Variants in PDE1A observed in about 807,000 individuals in gnomAD.
PDE1A encodes the protein phosphodiesterase 1A.
In PDE1A, 35 loss-of-function variants were observed where a neutral mutation model predicts 61.7. That is an observed-to-expected ratio of 0.57 (90% confidence interval 0.43 to 0.75). The LOEUF is 0.75. Ranked by LOEUF, PDE1A falls within the 30% of genes least tolerant of loss-of-function variation. The pLI is 0.00. For synonymous variants in PDE1A, 232 were observed against 213.2 expected, an observed-to-expected ratio of 1.09 and a Z score of -0.77; for missense variants, 597 against 630.6, an observed-to-expected ratio of 0.95 and a Z score of 0.57.
At chr2:182,436,195 T>C (rs1201191432) in intron 2 of PDE1A, among the ~76,000 whole-genome samples, 1 of 152,092 alleles carries the variant, frequency 6.6e-6, no homozygotes, top group Non-Finnish European at 1.5e-5. Context: ...AAACTCATTC[T>C]AGTTTCAGCT....
intron 13 of PDE1A, among the ~76,000 whole-genome samples, chr2:182,151,312 C>T (rs906083680): frequency 1.3e-5 from 2 of 152,098 alleles, no homozygotes; most frequent in Non-Finnish European, 2.9e-5. Context: ...CCATTTTGGC[C>T]AAGCTGGTCT....
the PDE1A span, among the ~76,000 whole-genome samples, chr2:182,563,368 G>C: frequency 6.6e-6 from 1 of 152,134 alleles, no homozygotes; most frequent in African/African-American, 2.4e-5. Flanking sequence ...AAGTGGTTTT[G>C]AGTGAGTTTC....
chr2:182,637,213 G>C, the PDE1A span, among the ~76,000 whole-genome samples: 1 of 152,120 alleles, frequency 6.6e-6, no homozygotes, highest in Non-Finnish European at 1.5e-5. Context: ...ATTCTTCCTA[G>C]ACATCCTATA....
chr2:182,203,374 A>G (rs970748088), intron 8 of PDE1A, among the ~76,000 whole-genome samples: 27 of 152,222 alleles, frequency 1.8e-4, no homozygotes, highest in African/African-American at 6.5e-4. Context: ...AATCATGAGC[A>G]CTCAACATTT....
chr2:182,182,813 C>T (rs1684882296), intron 13 of PDE1A, among the ~76,000 whole-genome samples: 2 of 151,744 alleles, frequency 1.3e-5, no homozygotes, highest in South Asian at 4.2e-4. Flanking sequence ...CCTCCCAGAC[C>T]TCTCCATCAT....
chr2:182,267,100 G>A (rs1432244937), intron 1 of PDE1A, among the ~76,000 whole-genome samples: 2 of 152,014 alleles, frequency 1.3e-5, no homozygotes, highest in Non-Finnish European at 2.9e-5. Context: ...GGAGACCATG[G>A]ACAAGTGCAT....
the PDE1A span, among the ~76,000 whole-genome samples, chr2:182,679,005 C>CT: frequency 0.6 from 76,333 of 127,594 alleles, 23,639 homozygotes; most frequent in Middle Eastern, 0.71. Context: ...TTTGGTTTCT[C>CT]TTTTTTTTTT....
the PDE1A span, among the ~76,000 whole-genome samples, chr2:182,612,763 C>T: frequency 3.9e-5 from 6 of 152,126 alleles, no homozygotes; most frequent in Non-Finnish European, 1.5e-5. Flanking sequence ...TATACAAAAA[C>T]AAAGCAGGAC....
At position 182,149,615 on chromosome 2, in the gene PDE1A, A is replaced by T. The variant is rs1384158399; in HGVS notation, c.1517-2463T>A. Among the ~76,000 whole-genome samples the T allele has an allele frequency of 3.3e-5, 5 of 152,316 alleles. No individual in the cohort carries two copies. In the East Asian group the frequency reaches 9.6e-4, roughly 29 times the overall value. On this transcript the variant is annotated intron_variant, in intron 13 of 13. Transcript: ENST00000409365. Reference sequence around the variant, plus strand: ...ACATTATTTTAGTTGATAAATCTTTAGTTGTAGACGCCTTTACAATTAACT... The same window carrying T: ...ACATTATTTTAGTTGATAAATCTTTTGTTGTAGACGCCTTTACAATTAACT...
At position 182,380,257 on chromosome 2, in the gene PDE1A, C is replaced by T. The variant is rs180996319; in HGVS notation, c.53+46321G>A. Among the ~76,000 whole-genome samples the T allele has an allele frequency of 2.3e-3, 345 of 152,122 alleles. 1 individual carries two copies. Among genetic ancestry groups the T allele is most frequent in the Non-Finnish European group, 4.2e-3 (284 of 67,994 alleles). On this transcript the variant is annotated intron_variant, in intron 1 of 13. Transcript: ENST00000351439. ...TCCCGAGTAGCTGCGACTACAGGCT[C>T]CTGCCACCACGCCAGGCTACTTTTT...
chr2:182,292,238 C>A (rs1045728441), intron 1 of PDE1A, among the ~76,000 whole-genome samples: 2 of 152,058 alleles, frequency 1.3e-5, no homozygotes, highest in Non-Finnish European at 2.9e-5. Context: ...GATTAGAATG[C>A]AGATATTTTG....
At chr2:182,288,361 G>C (rs563628397) in intron 1 of PDE1A, among the ~76,000 whole-genome samples, 7 of 152,204 alleles carry the variant, frequency 4.6e-5, no homozygotes, top group African/African-American at 1.7e-4. Flanking sequence ...ACAAATCACA[G>C]TGTAATCTCT....
intron 2 of PDE1A, among the ~76,000 whole-genome samples, chr2:182,455,306 G>T (rs1441485577): frequency 6.6e-6 from 1 of 152,170 alleles, no homozygotes; most frequent in Non-Finnish European, 1.5e-5. Context: ...TACACTGTTG[G>T]TGGGACTGTA....
intron 13 of PDE1A, among the ~76,000 whole-genome samples, chr2:182,173,543 A>G (rs1692436632): frequency 6.8e-6 from 1 of 147,876 alleles, no homozygotes; most frequent in African/African-American, 2.5e-5. Flanking sequence ...TAGGAACAAT[A>G]AAGGAAATAT....
chr2:182,303,834 T>G lies in PDE1A; in HGVS notation c.54-39420A>C, dbSNP rs186056688. 4.8e-3 allele frequency among the ~76,000 whole-genome samples: 736 copies of G among 152,356 alleles called. 2 individuals are homozygous for G. Among genetic ancestry groups the G allele is most frequent in the Admixed American group, 8.8e-3 (135 of 15,298 alleles). ...CTTCTGGATAAACTGCTGCAGCTTT[T>G]ACATTAGTATTTGCTGCTTCATCTT... On this transcript the variant is annotated intron_variant, in intron 1 of 13. Transcript: ENST00000351439.
At chr2:182,667,089 C>G in the PDE1A span, among the ~76,000 whole-genome samples, 2 of 152,116 alleles carry the variant, frequency 1.3e-5, no homozygotes, top group African/African-American at 2.4e-5. Flanking sequence ...TGGTTTAGCT[C>G]TAAAAAGTAG....
At chr2:182,343,851 A>C (rs991356958) in intron 1 of PDE1A, among the ~76,000 whole-genome samples, 1 of 145,314 alleles carries the variant, frequency 6.9e-6, no homozygotes, top group African/African-American at 2.5e-5. Flanking sequence ...ATACATAGTA[A>C]TCTCTTAATC....
intron 1 of PDE1A, among the ~76,000 whole-genome samples, chr2:182,355,333 G>C (rs776582506): frequency 6.6e-6 from 1 of 151,832 alleles, no homozygotes; most frequent in Non-Finnish European, 1.5e-5. Context: ...AAAGAAGACA[G>C]TAAGTGTAGG....
chr2:182,154,929 T>A (rs1363978247), intron 13 of PDE1A, among the ~76,000 whole-genome samples: 1 of 152,102 alleles, frequency 6.6e-6, no homozygotes, highest in East Asian at 1.9e-4. Flanking sequence ...ATTTTTCAAG[T>A]TGCTTAACTT....
Sources: allele counts gnomAD v4.1 joint callset (sites outside exome capture counted in the v4.1 genomes callset), GRCh38; gene constraint gnomAD v4.1.1; transcripts MANE v1.5; gene names NCBI Gene and HGNC (gene_info 2026-07-23, HGNC 2026-07-21).